Variants in ADCYAP1 observed in about 807,000 individuals in gnomAD.
ADCYAP1 encodes the protein pituitary adenylate cyclase-activating polypeptide.
ADCYAP1 carries 6 observed loss-of-function variants against 18.5 expected under a neutral mutation model. The observed-to-expected ratio is 0.32, with a 90% CI of 0.18 to 0.64. The LOEUF (loss-of-function observed/expected upper bound fraction) is 0.64. Ranked by LOEUF, ADCYAP1 falls within the 30% of genes least tolerant of loss-of-function variation. The pLI is 0.77. For missense variants in ADCYAP1, 314 were observed against 253.6 expected (o/e 1.24, Z -1.62); for synonymous variants, 136 against 113.9 (o/e 1.19, Z -1.24).
rs1019866979 is a variant in ADCYAP1 at position 911,707 on chromosome 18, G to A, written c.*2072G>A. On this transcript the variant is annotated 3_prime_UTR_variant, in exon 5 of 5. Transcript: ENST00000450565. ...GTTTGCAGCTTTAGTGCCTTTCTTC[G>A]CCTTTTAAATTGCCACGAATCACAG... 6 of 152,252 alleles carry A rather than the reference G, an allele frequency of 3.9e-5. No homozygotes were observed. Among genetic ancestry groups the A allele is most frequent in the East Asian group, 3.9e-4 (2 of 5,188 alleles). 9.4% of individuals were successfully genotyped at this position (152,252 alleles called of 1,614,324 possible).
In ADCYAP1 at chr18:909,360, C is replaced by T. The variant is rs1432290540; in HGVS notation, c.342-86C>T. The T allele has an allele frequency of 2.9e-6, 4 of 1,368,658 alleles. No homozygotes were observed. The African/African-American group carries it at 4.4e-5, about 15-fold the overall frequency. The allele number at this position is 1,368,658 out of a possible 1,614,324, so 84.8% of individuals were successfully genotyped here. A position where few individuals can be genotyped will look rare whatever the true frequency, so the allele number is the denominator to read the frequency against. On this transcript the variant is annotated intron_variant, in intron 4 of 4. Transcript: ENST00000450565. The stretch of plus-strand genomic sequence containing the variant: ...CCCGGGCCCTCCCCGAAGGCTCCCG[C>T]GTGGGGTGGGGCCCGCCTGCTCCCC...
chr18:905,705 C>CA lies in ADCYAP1; in HGVS notation c.110+210dup, dbSNP rs370142816. 1.4e-3 allele frequency: 881 copies of CA among 616,036 alleles called. 4 individuals carry two copies. Among genetic ancestry groups the CA allele is most frequent in the African/African-American group, 0.014 (752 of 53,752 alleles). The allele number at this position is 616,036 out of a possible 1,614,324, so 38.2% of individuals were successfully genotyped here. A position where few individuals can be genotyped will look rare whatever the true frequency, so the allele number is the denominator to read the frequency against. ...TCCGCGACTGCTCGGACGCCTCCCC[C>CA]AGCCCTAGGCAGCTCAGGGTCCCGG... On this transcript the variant is annotated intron_variant, in intron 2 of 4. Coordinates refer to ENST00000450565, the MANE Select transcript of ADCYAP1 (RefSeq NM_001099733.2).
At chr18:907,844 T>G (rs995954580) in intron 3 of ADCYAP1, 54 bp downstream of exon 3, 83 of 1,411,096 alleles carry the variant, frequency 5.9e-5, no homozygotes, top group Non-Finnish European at 1.8e-5. Context: ...GGGACTGCGG[T>G]GACGGGAGGG....
chr18:907,914 C>T (rs1237308430), intron 3 of ADCYAP1, 124 bp downstream of exon 3: 8 of 1,365,000 alleles, frequency 5.9e-6, no homozygotes, highest in Middle Eastern at 2.7e-4. Flanking sequence ...TCAAGCCTGT[C>T]CTCTCCCTGG....
At chr18:906,868 G>A (rs940136758) in intron 2 of ADCYAP1, among the ~76,000 whole-genome samples, 4 of 152,240 alleles carry the variant, frequency 2.6e-5, no homozygotes, top group African/African-American at 9.6e-5. Context: ...CTCGTGCTCT[G>A]GGGTTGAGAT....
chr18:906,314 A>G (rs2846812), intron 2 of ADCYAP1: 151,559 of 152,408 alleles, frequency 0.99, 75,364 homozygotes, highest in Middle Eastern at 1. Flanking sequence ...AGAGTCGCGG[A>G]CCGATGTGCC....
At position 909,763 on chromosome 18, in the gene ADCYAP1, TAAATG is replaced by T. The variant is rs1235004647; in HGVS notation, c.*131_*135del. 4.0e-6 allele frequency: 3 copies of T among 740,970 alleles called. No homozygotes were observed. Among genetic ancestry groups the T allele is most frequent in the Non-Finnish European group, 6.1e-6 (3 of 488,968 alleles). 45.9% of individuals were successfully genotyped at this position (740,970 alleles called of 1,614,324 possible). A position where few individuals can be genotyped will look rare whatever the true frequency, so the allele number is the denominator to read the frequency against. On this transcript the variant is annotated 3_prime_UTR_variant, in exon 5 of 5. Coordinates refer to ENST00000450565, the MANE Select transcript of ADCYAP1 (RefSeq NM_001099733.2). ...TATTTATGTAATGAAGTAAAGCCAT[TAAATG>T]AATATTTTGATAATAATATTGTTTT...
At chr18:904,682 C>G (rs1598981477), upstream of ADCYAP1, 7 of 1,217,796 alleles carry the variant, frequency 5.7e-6, no homozygotes, top group Non-Finnish European at 7.3e-6. Flanking sequence ...TTGCCTTCCT[C>G]CCCTTCTTTT....
In ADCYAP1 at chr18:905,485, C is replaced by T. The variant is rs757703280; in HGVS notation, c.99C>T (p.Phe33=). The change falls in exon 2 of 5, where the codon TTC becomes TTT. Residue 33 remains phenylalanine (F), a synonymous_variant. Coordinates refer to ENST00000450565, the MANE Select transcript of ADCYAP1 (RefSeq NM_001099733.2). ...YSSPAAAGLR[F]PGIRPEEEAY... ...CACCTGCCGCCGCCGGACTCCGGTT[C>T]CCCGGGATCAGGTAGGTGCTGGCTG... 6.2e-7 allele frequency: 1 copy of T among 1,607,500 alleles called. No homozygotes were observed. The highest frequency in any genetic ancestry group is 1.1e-5 in the South Asian group (1 of 91,082).
In ADCYAP1 at chr18:909,707, A is replaced by G; in HGVS notation, c.*72A>G. 7.1e-7 allele frequency: 1 copy of G among 1,404,540 alleles called. No homozygotes were observed. The highest frequency in any genetic ancestry group is 1.3e-5 in the South Asian group (1 of 77,074). The allele number at this position is 1,404,540 out of a possible 1,614,324, so 87.0% of individuals were successfully genotyped here. A position where few individuals can be genotyped will look rare whatever the true frequency, so the allele number is the denominator to read the frequency against. On this transcript the variant is annotated 3_prime_UTR_variant, in exon 5 of 5. Coordinates refer to ENST00000450565, the MANE Select transcript of ADCYAP1 (RefSeq NM_001099733.2). ...AAGTCGTTTTCCAAACTGACTCAACAGTCATCGCTCGTGTGTTCTATCCAA... is the reference window on the plus strand; with the variant it reads ...AAGTCGTTTTCCAAACTGACTCAACGGTCATCGCTCGTGTGTTCTATCCAA...
rs200894663 is a variant in ADCYAP1 at position 908,231 on chromosome 18, G to C, written c.243-34G>C. On this transcript the variant is annotated intron_variant, in intron 3 of 4. Transcript: ENST00000450565. ...TAGCGGCCACCTGGGGACAGAAACA[G>C]TGACCCTGGGCGCGCACTTTGCCTC... 67 of 1,584,756 alleles carry C rather than the reference G, an allele frequency of 4.2e-5. No homozygotes were observed. In the African/African-American group the frequency reaches 8.3e-4, roughly 20 times the overall value.
In ADCYAP1 at chr18:905,018, C is replaced by T. The variant is rs1258434628; in HGVS notation, c.-44C>T. 4 of 1,294,674 alleles carry T rather than the reference C, an allele frequency of 3.1e-6. No homozygotes were observed. The highest frequency in any genetic ancestry group is 1.5e-5 in the African/African-American group (1 of 66,288). 80.2% of individuals were successfully genotyped at this position (1,294,674 alleles called of 1,614,324 possible). On this transcript the variant is annotated 5_prime_UTR_variant, in exon 1 of 5. Coordinates refer to ENST00000450565, the MANE Select transcript of ADCYAP1 (RefSeq NM_001099733.2). ...GAACTTGAAGAAGCGCTTTGCCCGC[C>T]GTCCTACCTGGCAGCTCTCCTGGCA...
At chr18:905,359 G>C (rs750579742) in intron 1 of ADCYAP1, 27 bp from the exon 2 acceptor site, 2 of 1,611,174 alleles carry the variant, frequency 1.2e-6, no homozygotes, top group East Asian at 2.2e-5. Context: ...TCTCACAGCT[G>C]TGTGTCCTCT....
chr18:904,811 C>A (rs1013120067), upstream of ADCYAP1: 10 of 1,285,366 alleles, frequency 7.8e-6, no homozygotes, highest in South Asian at 1.2e-5. Context: ...TCTCTCTCTG[C>A]GCCCCCTTCT....
At chr18:908,210 G>A (rs1248502372) in intron 3 of ADCYAP1, 55 bp from the exon 4 acceptor site, 28 of 1,504,326 alleles carry the variant, frequency 1.9e-5, no homozygotes, top group Non-Finnish European at 2.4e-5. Flanking sequence ...GGTCTCTAGC[G>A]GCCACCTGGG....
In ADCYAP1 at chr18:907,775, G is replaced by T; in HGVS notation, c.227G>T (p.Arg76Leu). 4 of 1,448,034 alleles carry T rather than the reference G, an allele frequency of 2.8e-6. No individual in the cohort carries two copies. Among genetic ancestry groups the T allele is most frequent in the African/African-American group, 3.0e-5 (2 of 67,248 alleles). The allele number at this position is 1,448,034 out of a possible 1,614,324, so 89.7% of individuals were successfully genotyped here. The change falls in exon 3 of 5, where the codon CGC (arginine) becomes CTC (leucine). Residue 76 changes from arginine to leucine, a missense_variant. Arg to Leu is a moderately radical substitution (Grantham distance 102). Transcript: ENST00000450565. ...CCGCGCGCCGCCGCCGCCTGGTACC[G>T]CCCGGCCGGGAGAAGGTGAGATTCG... is the stretch of plus-strand genomic sequence containing the variant. Reference protein sequence around the residue: ...SAPRAAAAWYRPAGRRDVAHG... With the variant: ...SAPRAAAAWYLPAGRRDVAHG...
chr18:905,297 TCCC>T, intron 1 of ADCYAP1, 86 bp from the exon 2 acceptor site: 1 of 1,543,676 alleles, frequency 6.5e-7, no homozygotes, highest in Non-Finnish European at 8.7e-7. Flanking sequence ...GCTCCGTCCC[TCCC>T]CCGGCTTCCA....
chr18:907,670 A>G lies in ADCYAP1; in HGVS notation c.122A>G (p.Glu41Gly). 1 of 1,582,390 alleles carries G rather than the reference A, an allele frequency of 6.3e-7. No homozygotes were observed. Among genetic ancestry groups the G allele is most frequent in the Non-Finnish European group, 8.5e-7 (1 of 1,172,274 alleles). The stretch of plus-strand genomic sequence containing the variant: ...CGGCCACCCCGCAGGCCAGAGGAAG[A>G]GGCGTACGGCGAGGACGGAAACCCG... The part of the protein sequence containing the change: ...LRFPGIRPEE[E>G]AYGEDGNPLP... The change falls in exon 3 of 5, where the codon GAG becomes GGG. Residue 41 changes from glutamate to glycine, a missense_variant. Coordinates refer to ENST00000450565, the MANE Select transcript of ADCYAP1 (RefSeq NM_001099733.2).
At chr18:904,788 T>C, upstream of ADCYAP1, 1 of 1,280,440 alleles carries the variant, frequency 7.8e-7, no homozygotes, top group Non-Finnish European at 1.0e-6. Context: ...GCCCCCTCTT[T>C]CTTTCTTCTG....
Sources: allele counts gnomAD v4.1 joint callset (sites outside exome capture counted in the v4.1 genomes callset), GRCh38; gene constraint gnomAD v4.1.1; transcripts MANE v1.5; gene names NCBI Gene and HGNC (gene_info 2026-07-23, HGNC 2026-07-21).